Variants in GSDME observed in about 807,000 individuals in gnomAD.
The protein encoded by GSDME is gasdermin E.
Under a neutral mutation model 47.5 loss-of-function variants are expected in GSDME, and 44 were observed. The ratio of observed to expected loss-of-function variants is 0.93; its 90% CI spans 0.73 to 1.19. The LOEUF (loss-of-function observed/expected upper bound fraction) is 1.19, where lower values mean the gene tolerates loss of function less well. Ranked by LOEUF, GSDME falls within the 50% of genes most tolerant of loss-of-function variation. GSDME has a pLI of 0.00. For synonymous variants in GSDME, 258 were observed against 252.8 expected (o/e 1.02, Z -0.20); for missense variants, 663 against 604.2 (o/e 1.10, Z -1.02).
At chr7:24,738,051 C>T (rs537727467) in intron 3 of GSDME, among the ~76,000 whole-genome samples, 15 of 152,210 alleles carry the variant, frequency 9.9e-5, no homozygotes, top group African/African-American at 3.6e-4. Context: ...AAAGCCTTTC[C>T]TCTAGGATCT....
chr7:24,766,042 A>G, the GSDME span, among the ~76,000 whole-genome samples: 7 of 152,122 alleles, frequency 4.6e-5, no homozygotes, highest in African/African-American at 7.2e-5. The surrounding 1 kb of genome is among the most constrained non-coding windows in gnomAD (Gnocchi z 4.2). Flanking sequence ...CCATATTTTT[A>G]CCTTTAGGTA....
chr7:24,710,118 C>A, intron 6 of GSDME, 106 bp downstream of exon 6: 1 of 1,245,206 alleles, frequency 8.0e-7, no homozygotes, highest in Non-Finnish European at 1.2e-6. Context: ...CATATGTTTT[C>A]TGTGAGTCAC....
intron 3 of GSDME, among the ~76,000 whole-genome samples, chr7:24,737,894 T>G (rs900252641): frequency 5.3e-5 from 8 of 152,186 alleles, no homozygotes; most frequent in Admixed American, 1.3e-4. Context: ...ACCATTTGAT[T>G]ATTTCAACTG....
the GSDME span, among the ~76,000 whole-genome samples, chr7:24,789,397 C>A: frequency 1.3e-5 from 2 of 152,150 alleles, no homozygotes; most frequent in East Asian, 3.8e-4. Flanking sequence ...AAAAACCAAG[C>A]TCCCTGAGTG....
At chr7:24,718,756 G>C (rs1584069915) in intron 4 of GSDME, among the ~76,000 whole-genome samples, 1 of 152,164 alleles carries the variant, frequency 6.6e-6, no homozygotes, top group East Asian at 1.9e-4. Context: ...GAGCAAGCCT[G>C]GAGCTGCCAG....
chr7:24,727,253 C>T (rs1789999045), intron 3 of GSDME, among the ~76,000 whole-genome samples: 1 of 152,190 alleles, frequency 6.6e-6, no homozygotes, highest in South Asian at 2.1e-4. Flanking sequence ...GTGGCAGTGC[C>T]AAAATCAGGA....
intron 6 of GSDME, among the ~76,000 whole-genome samples, chr7:24,708,864 T>C (rs1789231739): frequency 6.6e-6 from 1 of 152,264 alleles, no homozygotes; most frequent in African/African-American, 2.4e-5. Context: ...CTTAGGGGCC[T>C]CTCCCCTTAG....
chr7:24,753,637 G>A (rs1053115503), intron 1 of GSDME, among the ~76,000 whole-genome samples: 3 of 152,184 alleles, frequency 2.0e-5, no homozygotes, highest in African/African-American at 7.2e-5. Context: ...TAGCAACAGT[G>A]TATCATTAGA....
chr7:24,701,322 G>C (rs1788859420), intron 9 of GSDME, among the ~76,000 whole-genome samples: 1 of 152,238 alleles, frequency 6.6e-6, no homozygotes, highest in African/African-American at 2.4e-5. Context: ...AGAATGTGCA[G>C]AAGCAGAATA....
intron 3 of GSDME, among the ~76,000 whole-genome samples, chr7:24,729,415 G>A (rs554722204): frequency 1.2e-4 from 19 of 152,374 alleles, no homozygotes; most frequent in African/African-American, 2.9e-4. Context: ...AAGGCACTGC[G>A]CCAGACCCCA....
rs1179844739 is a variant in GSDME at position 24,754,165 on chromosome 7, A to T, written c.-20+3231T>A. On this transcript the variant is annotated intron_variant, in intron 1 of 9. Transcript: ENST00000645220. This position sits in a 1 kb window ranked among gnomAD's most constrained non-coding sequence, Gnocchi z 5.0. ...ACTGCACTTCACAGTTGTTACATAG[A>T]TCACGGACTCTCGCACAGAGCCTTA... 1.3e-5 allele frequency among the ~76,000 whole-genome samples: 2 copies of T among 152,214 alleles called. No individual in the cohort carries two copies. Among genetic ancestry groups the T allele is most frequent in the East Asian group, 3.8e-4 (2 of 5,206 alleles).
chr7:24,706,835 A>G (rs989564992), intron 7 of GSDME, among the ~76,000 whole-genome samples: 1 of 152,200 alleles, frequency 6.6e-6, no homozygotes, highest in African/African-American at 2.4e-5. Flanking sequence ...CTGGAGAGCC[A>G]GTTCGGACCA....
the GSDME span, among the ~76,000 whole-genome samples, chr7:24,775,634 G>C: frequency 1.3e-5 from 2 of 151,534 alleles, no homozygotes; most frequent in Non-Finnish European, 2.9e-5. Context: ...TAGGAGGTGG[G>C]AGGCTGAAGC....
the GSDME span, among the ~76,000 whole-genome samples, chr7:24,775,323 T>A: frequency 6.6e-6 from 1 of 152,216 alleles, no homozygotes; most frequent in East Asian, 1.9e-4. Context: ...GCTAGTTAAT[T>A]TTTTGATATA....
At chr7:24,792,324 T>C in the GSDME span, among the ~76,000 whole-genome samples, 3 of 152,206 alleles carry the variant, frequency 2.0e-5, no homozygotes, top group African/African-American at 4.8e-5. Flanking sequence ...GTTGGACCAA[T>C]TATGGCATAA....
At chr7:24,699,886 ACTTT>A (rs1788792721) in intron 9 of GSDME, among the ~76,000 whole-genome samples, 1 of 152,164 alleles carries the variant, frequency 6.6e-6, no homozygotes, top group Admixed American at 6.5e-5. Flanking sequence ...AGATATTAGA[ACTTT>A]CTTATATCTT....
intron 1 of GSDME, among the ~76,000 whole-genome samples, chr7:24,753,330 G>C (rs1317575628): frequency 6.6e-6 from 1 of 152,138 alleles, no homozygotes; most frequent in Non-Finnish European, 1.5e-5. Flanking sequence ...TAGTTAAAAG[G>C]AGTCTGAACA....
chr7:24,710,897 T>C (rs897175275), intron 5 of GSDME, among the ~76,000 whole-genome samples: 1 of 152,236 alleles, frequency 6.6e-6, no homozygotes, highest in African/African-American at 2.4e-5. Context: ...TGCAGTTATA[T>C]GAATGAATTT....
At chr7:24,709,637 C>T (rs753649141) in intron 6 of GSDME, among the ~76,000 whole-genome samples, 26 of 152,266 alleles carry the variant, frequency 1.7e-4, no homozygotes, top group Non-Finnish European at 2.5e-4. Context: ...CTATATGCTG[C>T]GCCCCCACAT....
Sources: allele counts gnomAD v4.1 joint callset (sites outside exome capture counted in the v4.1 genomes callset), GRCh38; gene constraint gnomAD v4.1.1; non-coding constraint Gnocchi (gnomAD v3.1); transcripts MANE v1.5; gene names NCBI Gene and HGNC (gene_info 2026-07-23, HGNC 2026-07-21).